Variants in FAM227B observed in about 807,000 individuals in gnomAD.
FAM227B encodes family with sequence similarity 227 member B, also known as protein FAM227B.
A neutral mutation model predicts 73.8 loss-of-function variants in FAM227B; 88 were observed. The ratio of observed to expected loss-of-function variants is 1.19; its 90% CI spans 1.00 to 1.42. The LOEUF is 1.42. Ranked by LOEUF, FAM227B falls within the 40% of genes most tolerant of loss-of-function variation. The probability of loss-of-function intolerance (pLI) is 0.00; values close to 1 mark genes in which losing one functional copy is unlikely to be tolerated. For missense variants in FAM227B, 632 were observed against 590.9 expected, an observed-to-expected ratio of 1.07 and a Z score of -0.72; for synonymous variants, 210 against 190.5, an observed-to-expected ratio of 1.10 and a Z score of -0.84.
At chr15:49,428,501 A>G (rs761105951) in intron 11 of FAM227B, among the ~76,000 whole-genome samples, 5 of 151,946 alleles carry the variant, frequency 3.3e-5, no homozygotes, top group Non-Finnish European at 7.4e-5. Flanking sequence ...AATTTAGATT[A>G]CTGCTGCACC....
At chr15:49,366,115 A>T in intron 13 of FAM227B, 1 of 968,118 alleles carries the variant, frequency 1.0e-6, no homozygotes, top group Non-Finnish European at 1.7e-6. Context: ...CAACTAGTCC[A>T]CTCCAGTATC....
chr15:49,455,694 A>G (rs1249097964), intron 11 of FAM227B, among the ~76,000 whole-genome samples: 1 of 152,188 alleles, frequency 6.6e-6, no homozygotes, highest in Non-Finnish European at 1.5e-5. Flanking sequence ...TAAATAAGTG[A>G]TTTTGGTGTT....
chr15:49,340,322 C>T (rs895062758), intron 13 of FAM227B, among the ~76,000 whole-genome samples: 3 of 151,986 alleles, frequency 2.0e-5, no homozygotes, highest in African/African-American at 7.2e-5. Flanking sequence ...CTGGAGTACA[C>T]GGTACAGTCC....
At chr15:49,368,649 T>A (rs1348074583) in intron 12 of FAM227B, among the ~76,000 whole-genome samples, 6 of 152,200 alleles carry the variant, frequency 3.9e-5, no homozygotes, top group African/African-American at 1.2e-4. Context: ...TATAGCTCAA[T>A]CTTCAAAATG....
chr15:49,340,404 C>T (rs1320691590), intron 13 of FAM227B, among the ~76,000 whole-genome samples: 1 of 33,260 alleles, frequency 3.0e-5, no homozygotes, highest in Non-Finnish European at 6.2e-5. Flanking sequence ...CAGTGCCCCG[C>T]CCCCCCCCTC....
At chr15:49,475,214 T>C (rs1472764364) in intron 11 of FAM227B, among the ~76,000 whole-genome samples, 2 of 152,168 alleles carry the variant, frequency 1.3e-5, no homozygotes, top group African/African-American at 4.8e-5. Flanking sequence ...AAACAGTGCA[T>C]AAAATAAAGT....
intron 11 of FAM227B, among the ~76,000 whole-genome samples, chr15:49,398,774 G>A (rs1458928769): frequency 5.0e-5 from 2 of 40,142 alleles, no homozygotes; most frequent in South Asian, 1.0e-3. Context: ...AATGAAGGCA[G>A]AAATAAAGAT....
intron 1 of FAM227B, among the ~76,000 whole-genome samples, chr15:49,616,277 G>A (rs1232378984): frequency 6.6e-6 from 1 of 152,134 alleles, no homozygotes; most frequent in Non-Finnish European, 1.5e-5. Flanking sequence ...TATGAGAACA[G>A]ACACCAGAGA....
At chr15:49,456,507 C>A (rs2053303517) in intron 11 of FAM227B, among the ~76,000 whole-genome samples, 1 of 152,048 alleles carries the variant, frequency 6.6e-6, no homozygotes, top group African/African-American at 2.4e-5. Context: ...ATAAATTCAG[C>A]ATTTCTACTA....
intron 11 of FAM227B, among the ~76,000 whole-genome samples, chr15:49,504,647 A>C (rs2058439587): frequency 6.6e-6 from 1 of 151,630 alleles, no homozygotes. Context: ...ACTTTCTCTC[A>C]CTTGCTGCTT....
chr15:49,554,296 G>A (rs771507926), intron 9 of FAM227B, among the ~76,000 whole-genome samples: 1 of 152,138 alleles, frequency 6.6e-6, no homozygotes, highest in Non-Finnish European at 1.5e-5. Context: ...TCCCTTGGCT[G>A]CCCCTACTGA....
rs765571682 is a variant in FAM227B at position 49,537,108 on chromosome 15, AT to A, written c.874+4571del. 2.0e-5 allele frequency among the ~76,000 whole-genome samples: 3 copies of A among 152,288 alleles called. No homozygotes were observed. In the East Asian group the frequency reaches 5.8e-4, roughly 29 times the overall value. Reference sequence around the variant, plus strand: ...AAACGTCTTCTGCACGTCAAAGAAAATAATCAACAAAATGAAATGGCAACCT... The same window carrying A: ...AAACGTCTTCTGCACGTCAAAGAAAAAATCAACAAAATGAAATGGCAACCT... On this transcript the variant is annotated intron_variant, in intron 10 of 15. Transcript: ENST00000299338.
chr15:49,489,903 G>GAC (rs1567383991), intron 11 of FAM227B, among the ~76,000 whole-genome samples: 13 of 29,924 alleles, frequency 4.3e-4, no homozygotes, highest in Admixed American at 8.1e-4. Context: ...GAGAGAGAGA[G>GAC]AGAGAGAGAG....
chr15:49,450,372 A>T lies in FAM227B; in HGVS notation c.1012+57839T>A, dbSNP rs572835103. On this transcript the variant is annotated intron_variant, in intron 11 of 15. Transcript: ENST00000299338. ...AGAGTTCATTTCTCTGGCCTATGTC[A>T]CTGATTATGTTGCTAAAGATATTTT... Among the ~76,000 whole-genome samples, 12 of 152,058 alleles carry T rather than the reference A, an allele frequency of 7.9e-5. No homozygotes were observed. In the South Asian group the frequency reaches 2.5e-3, roughly 32 times the overall value.
At chr15:49,503,689 T>C (rs1261551082) in intron 11 of FAM227B, among the ~76,000 whole-genome samples, 1 of 152,154 alleles carries the variant, frequency 6.6e-6, no homozygotes, top group Non-Finnish European at 1.5e-5. Context: ...TCATCATCAC[T>C]GGCCACCAGA....
chr15:49,359,981 T>C (rs2043897056), intron 13 of FAM227B, among the ~76,000 whole-genome samples: 1 of 148,902 alleles, frequency 6.7e-6, no homozygotes, highest in Admixed American at 6.7e-5. Flanking sequence ...CAGTAAACTA[T>C]CGCAAGAACA....
At chr15:49,500,565 T>G (rs2058055947) in intron 11 of FAM227B, among the ~76,000 whole-genome samples, 1 of 152,202 alleles carries the variant, frequency 6.6e-6, no homozygotes, top group Non-Finnish European at 1.5e-5. Flanking sequence ...TACCAGTATA[T>G]AACTCACGAG....
At chr15:49,518,702 T>C (rs928834508) in intron 10 of FAM227B, among the ~76,000 whole-genome samples, 2 of 152,226 alleles carry the variant, frequency 1.3e-5, no homozygotes, top group Admixed American at 1.3e-4. Flanking sequence ...ATTCAATTAT[T>C]TTCCACTGGG....
intron 14 of FAM227B, among the ~76,000 whole-genome samples, chr15:49,334,969 T>G (rs772956275): frequency 6.6e-6 from 1 of 152,242 alleles, no homozygotes; most frequent in Non-Finnish European, 1.5e-5. Context: ...TTATTATGAA[T>G]AACTGCAAAT....
Sources: gnomAD v4.1 joint callset for allele counts (sites outside exome capture counted in the v4.1 genomes callset) on GRCh38, gnomAD v4.1.1 for gene constraint, MANE v1.5 for transcripts, NCBI Gene and HGNC (gene_info 2026-07-23, HGNC 2026-07-21) for gene names.